Variants in COL4A1 observed in about 807,000 individuals in gnomAD.
The protein encoded by COL4A1 is collagen type IV alpha 1 chain, also known as collagen alpha-1(IV) chain.
A neutral mutation model predicts 216.6 loss-of-function variants in COL4A1; 40 were observed. The ratio of observed to expected loss-of-function variants is 0.18; its 90% CI spans 0.14 to 0.24. The LOEUF (loss-of-function observed/expected upper bound fraction) is 0.24, where lower values mean the gene tolerates loss of function less well. COL4A1 is among the 10% of genes least tolerant of loss of function. The probability of loss-of-function intolerance (pLI) is 1.00; values close to 1 mark genes in which losing one functional copy is unlikely to be tolerated. For missense variants in COL4A1, 1,628 were observed against 2,196.8 expected, an observed-to-expected ratio of 0.74 and a Z score of 5.18; for synonymous variants, 839 against 810.7, an observed-to-expected ratio of 1.03 and a Z score of -0.59.
chr13:110,177,573 C>T (rs769359193), intron 33 of COL4A1, among the ~76,000 whole-genome samples: 5 of 152,114 alleles, frequency 3.3e-5, no homozygotes, highest in African/African-American at 4.8e-5. Context: ...AAGATTCCAC[C>T]ATTTCTCACA....
At position 110,186,397 on chromosome 13, in the gene COL4A1, G is replaced by C. The variant is rs769408707; in HGVS notation, c.1885C>G (p.Pro629Ala). Residue 629 changes from proline (P) to alanine (A), a missense_variant, in exon 26 of 52, where the codon CCA becomes GCA. This residue lies in a region of COL4A1 where 701 missense variants were observed against 892.5 expected (regional missense o/e 0.79). Transcript: ENST00000375820. ...QAGFPGGPGS[P>A]GLPGPKGEPG... ...TCTCAGGCCTCACCTGGCAGGCCTG[G>C]GGATCCAGGGCCTCCAGGAAAGCCT... 8.7e-6 allele frequency: 14 copies of C among 1,613,144 alleles called. No individual in the cohort carries two copies. The highest frequency in any genetic ancestry group is 1.3e-5 in the African/African-American group (1 of 74,912).
intron 23 of COL4A1, among the ~76,000 whole-genome samples, chr13:110,192,505 C>T (rs960214470): frequency 6.6e-6 from 1 of 152,164 alleles, no homozygotes; most frequent in Non-Finnish European, 1.5e-5. Context: ...TTCCAGCACC[C>T]CACACCTGCC....
At position 110,181,387 on chromosome 13, in the gene COL4A1, C is replaced by G; in HGVS notation, c.2098G>C (p.Val700Leu). ...GFPGPPGPKG[V>L]DGLPGDMGPP... is the part of the protein sequence containing the mutation. The stretch of plus-strand genomic sequence containing the variant: ...CCCATGTCTCCAGGTAAGCCGTCAA[C>G]ACCTGTTTTAAAGAGTCAAAAAAAA... Residue 700 changes from valine (V) to leucine (L), a missense_variant and splice_region_variant, in exon 29 of 52, where the codon GTT (valine) becomes CTT (leucine). By Grantham distance (32) the Val-to-Leu change is conservative. Coordinates refer to ENST00000375820, the MANE Select transcript of COL4A1 (RefSeq NM_001845.6). The G allele has an allele frequency of 6.2e-7, 1 of 1,610,578 alleles. No homozygotes were observed. The highest frequency in any genetic ancestry group is 1.1e-5 in the South Asian group (1 of 90,802).
At chr13:110,177,075 A>T (rs370000895) in intron 33 of COL4A1, 38 bp from the exon 34 acceptor site, 2 of 1,610,736 alleles carry the variant, frequency 1.2e-6, no homozygotes, top group African/African-American at 2.7e-5. Context: ...AGCCTGGGCC[A>T]GTGTCACAGA....
chr13:110,292,177 T>G (rs946658613), intron 1 of COL4A1, among the ~76,000 whole-genome samples: 1 of 152,192 alleles, frequency 6.6e-6, no homozygotes, highest in Non-Finnish European at 1.5e-5. Context: ...AAATTCAGGG[T>G]CTTCTTCCCT....
chr13:110,288,744 G>A (rs772929531), intron 1 of COL4A1, among the ~76,000 whole-genome samples: 3 of 152,156 alleles, frequency 2.0e-5, no homozygotes, highest in Non-Finnish European at 4.4e-5. Context: ...TGTAAATGAT[G>A]GGTGTCAGGC....
intron 1 of COL4A1, among the ~76,000 whole-genome samples, chr13:110,300,353 A>G (rs946158329): frequency 6.6e-6 from 1 of 152,258 alleles, no homozygotes; most frequent in Non-Finnish European, 1.5e-5. Flanking sequence ...GATCATCTCT[A>G]GGGATGAGTG....
At chr13:110,291,940 G>A (rs1884106199) in intron 1 of COL4A1, among the ~76,000 whole-genome samples, 1 of 152,172 alleles carries the variant, frequency 6.6e-6, no homozygotes, top group African/African-American at 2.4e-5. Context: ...TCCCTGGAGG[G>A]GCATGGAGAA....
At chr13:110,255,573 G>GT (rs754000427) in intron 1 of COL4A1, among the ~76,000 whole-genome samples, 4 of 38,762 alleles carry the variant, frequency 1.0e-4, no homozygotes, top group Non-Finnish European at 2.3e-4. Flanking sequence ...CAGGAAGGGA[G>GT]GGGGCAGGCA....
chr13:110,242,832 G>C, intron 1 of COL4A1, 98 bp from the exon 2 acceptor site: 2 of 1,296,846 alleles, frequency 1.5e-6, no homozygotes, highest in Non-Finnish European at 2.2e-6. Context: ...TTGTTTATGA[G>C]CGAAGCCTGC....
intron 1 of COL4A1, among the ~76,000 whole-genome samples, chr13:110,288,954 C>T (rs1045969852): frequency 5.9e-5 from 9 of 152,182 alleles, no homozygotes; most frequent in Admixed American, 5.9e-4. Flanking sequence ...ATTGCTTGAA[C>T]TGGGACCCAG....
At chr13:110,236,645 C>T (rs762956250) in intron 2 of COL4A1, among the ~76,000 whole-genome samples, 25 of 152,246 alleles carry the variant, frequency 1.6e-4, no homozygotes, top group Non-Finnish European at 2.5e-4. Flanking sequence ...ACAGTGAAGA[C>T]GACCAGCCTT....
At position 110,176,618 on chromosome 13, in the gene COL4A1, C is replaced by T. The variant is rs2139162635; in HGVS notation, c.2968+8G>A. On this transcript the variant is annotated splice_region_variant and intron_variant, in intron 35 of 51. Coordinates refer to ENST00000375820, the MANE Select transcript of COL4A1 (RefSeq NM_001845.6). Reference sequence around the variant, plus strand: ...TGCCACACTGGGGACCGGAGCTCCACACTGTACCTGGCTGCCCAGGCTGTC... The same window carrying T: ...TGCCACACTGGGGACCGGAGCTCCATACTGTACCTGGCTGCCCAGGCTGTC... The T allele has an allele frequency of 6.2e-7, 1 of 1,613,512 alleles. No individual in the cohort carries two copies. Among genetic ancestry groups the T allele is most frequent in the Non-Finnish European group, 8.5e-7 (1 of 1,179,418 alleles).
rs571024940 is a variant in COL4A1 at position 110,235,124 on chromosome 13, C to T, written c.144+7551G>A. On this transcript the variant is annotated intron_variant, in intron 2 of 51. Coordinates refer to ENST00000375820, the MANE Select transcript of COL4A1 (RefSeq NM_001845.6). ...TCACTAAGTCAAATCTGGCACAGTG[C>T]GTCTCACATATTAAGTACTTAATAA... Among the ~76,000 whole-genome samples, 57 of 151,908 alleles carry T rather than the reference C, an allele frequency of 3.8e-4. 1 individual carries two copies. The highest frequency in any genetic ancestry group is 5.7e-4 in the Non-Finnish European group (39 of 67,982).
intron 2 of COL4A1, among the ~76,000 whole-genome samples, chr13:110,227,826 G>A (rs953980949): frequency 4.6e-5 from 7 of 152,172 alleles, no homozygotes; most frequent in Non-Finnish European, 5.9e-5. Context: ...ATATCCTGCC[G>A]TGGGTTAGGC....
intron 49 of COL4A1, among the ~76,000 whole-genome samples, chr13:110,157,801 T>TA (rs1876856583): frequency 6.6e-6 from 1 of 152,156 alleles, no homozygotes; most frequent in African/African-American, 2.4e-5. Context: ...TACAGAGACT[T>TA]AGACTCTTGG....
chr13:110,205,876 T>C (rs1232936127), intron 15 of COL4A1, among the ~76,000 whole-genome samples: 1 of 151,770 alleles, frequency 6.6e-6, no homozygotes, highest in East Asian at 1.9e-4. Context: ...TATATATATA[T>C]GTATATATAT....
chr13:110,282,971 T>C (rs1158869526), intron 1 of COL4A1, among the ~76,000 whole-genome samples: 1 of 152,234 alleles, frequency 6.6e-6, no homozygotes, highest in Non-Finnish European at 1.5e-5. Context: ...GAGCCAGTGA[T>C]CCCAGTCGCT....
chr13:110,287,552 C>T (rs1455832564), intron 1 of COL4A1, among the ~76,000 whole-genome samples: 1 of 152,182 alleles, frequency 6.6e-6, no homozygotes, highest in Non-Finnish European at 1.5e-5. Flanking sequence ...CGGATGAACT[C>T]TTCTCTAAAG....
Sources: allele counts gnomAD v4.1 joint callset (sites outside exome capture counted in the v4.1 genomes callset), GRCh38; gene constraint gnomAD v4.1.1; regional missense constraint gnomAD v4.1.1; transcripts MANE v1.5; gene names NCBI Gene and HGNC (gene_info 2026-07-23, HGNC 2026-07-21).